ITSN1: variants seen among roughly 807,000 people sequenced by gnomAD.
The protein encoded by ITSN1 is intersectin-1.
In ITSN1, 58 loss-of-function variants were observed where a neutral mutation model predicts 239.8. The observed-to-expected ratio is 0.24, with a 90% CI of 0.20 to 0.30. The LOEUF (loss-of-function observed/expected upper bound fraction) is 0.30. ITSN1 is among the 10% of genes least tolerant of loss of function. The probability of loss-of-function intolerance (pLI) is 1.00; values close to 1 mark genes in which losing one functional copy is unlikely to be tolerated. For synonymous variants in ITSN1, 780 were observed against 770.8 expected, an observed-to-expected ratio of 1.01 and a Z score of -0.20; for missense variants, 1,558 against 2,103.3, an observed-to-expected ratio of 0.74 and a Z score of 5.07.
At chr21:33,704,029 T>G (rs1051990662) in intron 1 of ITSN1, among the ~76,000 whole-genome samples, 2 of 152,160 alleles carry the variant, frequency 1.3e-5, no homozygotes, top group African/African-American at 4.8e-5. Flanking sequence ...TCTAGGTATG[T>G]TTCTGTTTGT....
chr21:33,767,703 G>A lies in ITSN1; in HGVS notation c.927-10G>A, dbSNP rs115178190. On this transcript the variant is annotated splice_polypyrimidine_tract_variant and intron_variant, in intron 10 of 39. Coordinates refer to ENST00000381318, the MANE Select transcript of ITSN1 (RefSeq NM_003024.3). ...TGTGAATCTATTTTTCTTTTTCCCC[G>A]CAATTGCAGAAGAGTTCGATCTGGC... 9.4e-4 allele frequency: 1,431 copies of A among 1,518,522 alleles called. 6 individuals carry two copies. The African/African-American group carries it at 0.017, about 18-fold the overall frequency. 94.1% of individuals were successfully genotyped at this position (1,518,522 alleles called of 1,614,324 possible).
At chr21:33,697,426 G>A (rs2091845953) in intron 1 of ITSN1, among the ~76,000 whole-genome samples, 1 of 151,852 alleles carries the variant, frequency 6.6e-6, no homozygotes, top group Non-Finnish European at 1.5e-5. Flanking sequence ...ACATTACACA[G>A]ATGACAACAT....
At position 33,678,927 on chromosome 21, in the gene ITSN1, T is replaced by C. The variant is rs556915011; in HGVS notation, c.-33+36214T>C. Among the ~76,000 whole-genome samples the C allele has an allele frequency of 5.9e-5, 9 of 152,350 alleles. No homozygotes were observed. The South Asian group carries it at 1.9e-3, about 32-fold the overall frequency. On this transcript the variant is annotated intron_variant, in intron 1 of 39. Transcript: ENST00000381318. ...CAGGGTTTCACGGAAGCAGAGATTT[T>C]CTGTCAGTGTTCCATCTACTTCATA...
At chr21:33,810,805 T>C (rs76734758) in intron 20 of ITSN1, 170 bp from the exon 21 acceptor site, 3 of 814,682 alleles carry the variant, frequency 3.7e-6, no homozygotes, top group East Asian at 2.4e-5. Context: ...ATTTTTTTTT[T>C]CAGCATTACT....
Position 33,700,951 on chromosome 21 carries a change from C to CTGTGTGTGTGTGTGTGTG in ITSN1, c.-32-17824_-32-17807dup, listed in dbSNP as rs72389168. Among the ~76,000 whole-genome samples the CTGTGTGTGTGTGTGTGTG allele has an allele frequency of 4.7e-4, 66 of 141,860 alleles. 1 individual carries two copies. The highest frequency in any genetic ancestry group is 1.6e-3 in the African/African-American group (61 of 37,654). The allele number at this position is 141,860 out of a possible 152,430, so 93.1% of individuals were successfully genotyped here. A position where few individuals can be genotyped will look rare whatever the true frequency, so the allele number is the denominator to read the frequency against. ...AGTACATGTAGAAGATTTCTTTTTT[C>CTGTGTGTGTGTGTGTGTG]TGTGTGTGTGTGTGTGTGTGTGTGT... On this transcript the variant is annotated intron_variant, in intron 1 of 39. Transcript: ENST00000381318.
At chr21:33,804,263 T>C (rs2072235200) in intron 20 of ITSN1, among the ~76,000 whole-genome samples, 2 of 152,230 alleles carry the variant, frequency 1.3e-5, no homozygotes, top group African/African-American at 2.4e-5. Flanking sequence ...CTTAAAAATA[T>C]TTTGTTTTTA....
chr21:33,774,894 T>C lies in ITSN1; in HGVS notation c.1455+16T>C. 6.2e-7 allele frequency: 1 copy of C among 1,607,390 alleles called. No homozygotes were observed. Among genetic ancestry groups the C allele is most frequent in the Non-Finnish European group, 8.5e-7 (1 of 1,177,668 alleles). ...AGAAGCTCTAGTGAGTGAAGTTTGG[T>C]TATACTTTGAAAATATACTAAGATG... On this transcript the variant is annotated intron_variant, in intron 13 of 39. Coordinates refer to ENST00000381318, the MANE Select transcript of ITSN1 (RefSeq NM_003024.3).
rs561246495 is a variant in ITSN1 at position 33,774,612 on chromosome 21, G to A, written c.1306-117G>A. ...TTTTTGTTTTCTAATGTGATTTCTTGTAATGTTTAATATTTCATCCCTAAA... is the reference window on the plus strand; with the variant it reads ...TTTTTGTTTTCTAATGTGATTTCTTATAATGTTTAATATTTCATCCCTAAA... On this transcript the variant is annotated intron_variant, in intron 12 of 39. Transcript: ENST00000381318. 81 of 906,742 alleles carry A rather than the reference G, an allele frequency of 8.9e-5. No individual in the cohort carries two copies. The African/African-American group carries it at 1.2e-3, about 14-fold the overall frequency. The allele number at this position is 906,742 out of a possible 1,614,324, so 56.2% of individuals were successfully genotyped here.
chr21:33,793,050 G>A (rs957165818), intron 16 of ITSN1, among the ~76,000 whole-genome samples: 10 of 151,768 alleles, frequency 6.6e-5, no homozygotes, highest in Non-Finnish European at 1.5e-4. Context: ...GCCTCTCAGC[G>A]TCACTTACAG....
At position 33,898,412 on chromosome 21, in the gene ITSN1, C is replaced by T. The variant is rs1327802714; in HGVS notation, c.*10112C>T. On this transcript the variant is annotated 3_prime_UTR_variant, in exon 40 of 40. Transcript: ENST00000381318. ...CATGGAGACCCCAGGGGGAAGATGC[C>T]TTCCTCCCGTCTGCATTCCCAGAAA... is the stretch of plus-strand genomic sequence containing the variant. The T allele has an allele frequency of 6.6e-6, 1 of 152,200 alleles. No homozygotes were observed. The highest frequency in any genetic ancestry group is 1.5e-5 in the Non-Finnish European group (1 of 68,046). 9.4% of individuals were successfully genotyped at this position (152,200 alleles called of 1,614,324 possible).
In ITSN1 at chr21:33,802,485, A is replaced by T. The variant is rs148094926; in HGVS notation, c.2319+41A>T. 423 of 1,606,126 alleles carry T rather than the reference A, an allele frequency of 2.6e-4. 1 individual carries two copies. In the African/African-American group the frequency reaches 4.8e-3, roughly 18 times the overall value. On this transcript the variant is annotated intron_variant, in intron 20 of 39. Coordinates refer to ENST00000381318, the MANE Select transcript of ITSN1 (RefSeq NM_003024.3). The stretch of plus-strand genomic sequence containing the variant: ...CTGTCAGGAAGTCTGCATCTTATTC[A>T]ATGTTTTGTCCTTTTAAGTCACTTG...
intron 1 of ITSN1, among the ~76,000 whole-genome samples, chr21:33,688,979 A>AT (rs1325100733): frequency 1.3e-5 from 2 of 151,900 alleles, no homozygotes; most frequent in Non-Finnish European, 2.9e-5. Flanking sequence ...CGCCCGGCTA[A>AT]TTTTGGTATT....
chr21:33,707,217 G>C (rs75320064), intron 1 of ITSN1, among the ~76,000 whole-genome samples: 1,610 of 152,118 alleles, frequency 0.011, 18 homozygotes, highest in Non-Finnish European at 0.015. Flanking sequence ...GTGGCTTGTG[G>C]CTCTCTTTTC....
In ITSN1 at chr21:33,885,051, G is replaced by C. The variant is rs771546522; in HGVS notation, c.4687G>C (p.Val1563Leu). The change falls in exon 37 of 40, where the codon GTG (valine) becomes CTG (leucine). Residue 1563 changes from valine to leucine, a missense_variant. Physicochemically the swap from Val to Leu is conservative, Grantham distance 32. Transcript: ENST00000381318. Reference sequence around the variant, plus strand: ...CTTTTTCTGTCCAAGGACTGCCTGGGTGCAGAAAATCAAAGCTGCTTCTGA... The same window carrying C: ...CTTTTTCTGTCCAAGGACTGCCTGGCTGCAGAAAATCAAAGCTGCTTCTGA... ...AESINERTAW[V>L]QKIKAASELY... 1 of 1,614,000 alleles carries C rather than the reference G, an allele frequency of 6.2e-7. No individual in the cohort carries two copies.
chr21:33,719,677 A>C (rs1005139127), intron 2 of ITSN1, among the ~76,000 whole-genome samples: 59 of 152,216 alleles, frequency 3.9e-4, no homozygotes, highest in African/African-American at 1.4e-3. Flanking sequence ...TCAGCAAGTT[A>C]TTTGTTGAAG....
At chr21:33,842,499 T>A (rs1258745223) in intron 29 of ITSN1, among the ~76,000 whole-genome samples, 1 of 68,128 alleles carries the variant, frequency 1.5e-5, no homozygotes, top group Non-Finnish European at 3.1e-5. Flanking sequence ...GTCAACGGTG[T>A]GTGTGTGTGT....
chr21:33,816,348 C>G (rs1460894410), intron 22 of ITSN1, among the ~76,000 whole-genome samples: 1 of 152,160 alleles, frequency 6.6e-6, no homozygotes, highest in Admixed American at 6.5e-5. Context: ...CATAGCAATA[C>G]TGTGCATGGA....
chr21:33,645,850 A>C (rs2087894321), intron 1 of ITSN1, among the ~76,000 whole-genome samples: 1 of 152,138 alleles, frequency 6.6e-6, no homozygotes. Flanking sequence ...CCTGAAGTGG[A>C]TAGAAAGTTT....
chr21:33,775,011 G>C lies in ITSN1; in HGVS notation c.1499G>C (p.Arg500Thr), dbSNP rs1482024961. ...HQLEGKLQDI[R>T]CRLTTQRQEI... Reference sequence around the variant, plus strand: ...CTAGAAGGGAAACTTCAAGATATCAGATGTCGATTGACCACCCAAAGGCAA... The same window carrying C: ...CTAGAAGGGAAACTTCAAGATATCACATGTCGATTGACCACCCAAAGGCAA... Residue 500 changes from arginine to threonine, a missense_variant, in exon 14 of 40, where the codon AGA (arginine) becomes ACA (threonine). Coordinates refer to ENST00000381318, the MANE Select transcript of ITSN1 (RefSeq NM_003024.3). The C allele has an allele frequency of 6.2e-7, 1 of 1,613,822 alleles. No individual in the cohort carries two copies.
Sources: allele counts gnomAD v4.1 joint callset (sites outside exome capture counted in the v4.1 genomes callset), GRCh38; gene constraint gnomAD v4.1.1; transcripts MANE v1.5; gene names NCBI Gene and HGNC (gene_info 2026-07-23, HGNC 2026-07-21).